Variants in BBS9 observed in about 807,000 individuals in gnomAD.
The protein encoded by BBS9 is Bardet-Biedl syndrome 9.
BBS9 carries 89 observed loss-of-function variants against 117.7 expected under a neutral mutation model. That is an observed-to-expected ratio of 0.76 (90% CI 0.64 to 0.90). The LOEUF (loss-of-function observed/expected upper bound fraction) is 0.90, where lower values mean the gene tolerates loss of function less well. Among genes scored for constraint, BBS9 ranks in the 40% least tolerant of loss-of-function variants. The probability of loss-of-function intolerance (pLI) is 0.00; values close to 1 mark genes in which losing one functional copy is unlikely to be tolerated. For synonymous variants in BBS9, 379 were observed against 370.9 expected (o/e 1.02, Z -0.25); for missense variants, 982 against 1,042.2 (o/e 0.94, Z 0.80).
At chr7:33,399,543 T>A (rs1828567976) in intron 19 of BBS9, among the ~76,000 whole-genome samples, 1 of 152,216 alleles carries the variant, frequency 6.6e-6, no homozygotes, top group Admixed American at 6.5e-5. Context: ...AGAACTTGTC[T>A]GTGTAGCATC....
intron 21 of BBS9, among the ~76,000 whole-genome samples, chr7:33,549,837 CAAA>C (rs1323256427): frequency 2.6e-5 from 4 of 152,022 alleles, no homozygotes; most frequent in Admixed American, 2.6e-4. Context: ...ATCGATTTGC[CAAA>C]AGATAGAGTA....
At chr7:33,302,376 C>T (rs1489285407) in intron 9 of BBS9, among the ~76,000 whole-genome samples, 1 of 151,968 alleles carries the variant, frequency 6.6e-6, no homozygotes, top group Non-Finnish European at 1.5e-5. Flanking sequence ...GGAGAGTTTC[C>T]CCAGTGTTTT....
At chr7:33,156,742 A>G (rs10224956) in intron 4 of BBS9, among the ~76,000 whole-genome samples, 24,615 of 152,054 alleles carry the variant, frequency 0.16, 2,136 homozygotes, top group South Asian at 0.21. Context: ...ACTCTTCACC[A>G]TGTTCTGTTT....
At chr7:33,249,081 T>G (rs1177573783) in intron 5 of BBS9, among the ~76,000 whole-genome samples, 2 of 152,158 alleles carry the variant, frequency 1.3e-5, no homozygotes, top group Non-Finnish European at 2.9e-5. Flanking sequence ...CTTACTCTGC[T>G]GTATATATTC....
At chr7:33,278,264 C>T (rs937235831) in intron 9 of BBS9, among the ~76,000 whole-genome samples, 12 of 152,186 alleles carry the variant, frequency 7.9e-5, no homozygotes, top group Admixed American at 7.9e-4. Flanking sequence ...TAACTTCTTC[C>T]TACTGACAGG....
At chr7:33,564,806 C>G (rs1856608569) in intron 21 of BBS9, among the ~76,000 whole-genome samples, 1 of 152,154 alleles carries the variant, frequency 6.6e-6, no homozygotes, top group African/African-American at 2.4e-5. Flanking sequence ...GCAGATCCAG[C>G]CTGTTTCTCC....
In BBS9 at chr7:33,505,655, T is replaced by C; in HGVS notation, c.2298+10T>C. 6.2e-7 allele frequency: 1 copy of C among 1,612,368 alleles called. No homozygotes were observed. The highest frequency in any genetic ancestry group is 1.1e-5 in the South Asian group (1 of 91,026). On this transcript the variant is annotated intron_variant, in intron 20 of 22. Coordinates refer to ENST00000242067, the MANE Select transcript of BBS9 (RefSeq NM_198428.3). ...AGACACTCAAGAATTGGTAAGGACC[T>C]GAAAGCCTGTGGTGGGAACAGCCAG... is the stretch of plus-strand genomic sequence containing the variant.
intron 19 of BBS9, among the ~76,000 whole-genome samples, chr7:33,466,060 A>C (rs904753850): frequency 1.3e-5 from 2 of 151,720 alleles, no homozygotes; most frequent in Non-Finnish European, 2.9e-5. Flanking sequence ...ATTTTTTGAG[A>C]GAGAGATATA....
intron 18 of BBS9, 79 bp from the exon 19 acceptor site, chr7:33,387,910 TTTA>T: frequency 6.8e-7 from 1 of 1,466,054 alleles, no homozygotes; most frequent in Non-Finnish European, 9.5e-7. Flanking sequence ...CTCTTTTACT[TTTA>T]TTATCATTGT....
intron 19 of BBS9, among the ~76,000 whole-genome samples, chr7:33,442,904 T>C (rs1836428861): frequency 6.6e-6 from 1 of 152,102 alleles, no homozygotes; most frequent in African/African-American, 2.4e-5. Flanking sequence ...AAAAAAACAC[T>C]CCTTAGAAAT....
At chr7:33,264,529 G>A (rs1029580458) in intron 7 of BBS9, among the ~76,000 whole-genome samples, 155 bp downstream of exon 7, 1 of 151,956 alleles carries the variant, frequency 6.6e-6, no homozygotes, top group African/African-American at 2.4e-5. Context: ...GAATTGAGTT[G>A]GTTGTTGTTG....
intron 9 of BBS9, among the ~76,000 whole-genome samples, chr7:33,321,120 G>A (rs1396078021): frequency 6.6e-6 from 1 of 152,078 alleles, no homozygotes; most frequent in Non-Finnish European, 1.5e-5. Flanking sequence ...CCAGTACCAT[G>A]CTGTTTTGGT....
chr7:33,391,317 G>A (rs371537642), intron 19 of BBS9, among the ~76,000 whole-genome samples: 105 of 151,986 alleles, frequency 6.9e-4, no homozygotes, highest in Non-Finnish European at 2.2e-4. Flanking sequence ...CCAACGTACC[G>A]CTTTAAAATT....
rs747489914 is a variant in BBS9, at chr7:33,344,643, C to A, written c.1329+9C>A. On this transcript the variant is annotated intron_variant, in intron 12 of 22. Transcript: ENST00000242067. ...CTTCTGTCACGGTGAAGGTATTGTA[C>A]CAGATTTTAGACTGTAATGTGCAAA... 10 of 1,613,070 alleles carry A rather than the reference C, an allele frequency of 6.2e-6. No homozygotes were observed. The highest frequency in any genetic ancestry group is 8.5e-6 in the Non-Finnish European group (10 of 1,179,180).
At chr7:33,137,585 G>T (rs915784889) in intron 1 of BBS9, among the ~76,000 whole-genome samples, 1 of 152,108 alleles carries the variant, frequency 6.6e-6, no homozygotes, top group African/African-American at 2.4e-5. Flanking sequence ...GGAAATTAGT[G>T]GTATCCCAAC....
intron 19 of BBS9, among the ~76,000 whole-genome samples, chr7:33,496,633 A>C (rs963246084): frequency 2.0e-5 from 3 of 152,218 alleles, no homozygotes; most frequent in Admixed American, 6.5e-5. Context: ...TCACTGTCCT[A>C]TTAATACAAA....
chr7:33,290,447 T>A, intron 9 of BBS9, among the ~76,000 whole-genome samples: 1 of 152,230 alleles, frequency 6.6e-6, no homozygotes. Flanking sequence ...GCTTTTTCAA[T>A]ATCTGCAGGC....
chr7:33,506,620 A>G (rs1030719288), intron 20 of BBS9, among the ~76,000 whole-genome samples: 3 of 152,152 alleles, frequency 2.0e-5, no homozygotes, highest in Non-Finnish European at 2.9e-5. Flanking sequence ...CTGTCTGCCT[A>G]TATTTTAGTG....
intron 9 of BBS9, among the ~76,000 whole-genome samples, chr7:33,280,118 T>A (rs1801528288): frequency 6.6e-6 from 1 of 152,238 alleles, no homozygotes; most frequent in Non-Finnish European, 1.5e-5. Context: ...AGTCACTTAT[T>A]TTAAATTTGT....
Sources: gnomAD v4.1 joint callset for allele counts (sites outside exome capture counted in the v4.1 genomes callset) on GRCh38, gnomAD v4.1.1 for gene constraint, MANE v1.5 for transcripts, NCBI Gene and HGNC (gene_info 2026-07-23, HGNC 2026-07-21) for gene names.